Variants in TMEM207 observed in about 807,000 individuals in gnomAD.
TMEM207 encodes SRSR846.
Under a neutral mutation model 17.4 loss-of-function variants are expected in TMEM207, and 15 were observed. The ratio of observed to expected loss-of-function variants is 0.86; its 90% CI spans 0.58 to 1.33. The LOEUF (loss-of-function observed/expected upper bound fraction) is 1.33, where lower values mean the gene tolerates loss of function less well. Among genes scored for constraint, TMEM207 ranks in the 40% most tolerant of loss-of-function variants. The pLI is 0.00. For missense variants in TMEM207, 205 were observed against 173.8 expected, an observed-to-expected ratio of 1.18 and a Z score of -1.01; for synonymous variants, 70 against 65.6, an observed-to-expected ratio of 1.07 and a Z score of -0.33.
chr3:190,435,524 A>G (rs1172753502), intron 4 of TMEM207, among the ~76,000 whole-genome samples: 2 of 152,178 alleles, frequency 1.3e-5, no homozygotes, highest in Non-Finnish European at 2.9e-5. Flanking sequence ...AGGGGGCATC[A>G]GAGGGAATAT....
chr3:190,433,016 A>G (rs985599755), intron 4 of TMEM207, among the ~76,000 whole-genome samples: 4 of 152,202 alleles, frequency 2.6e-5, no homozygotes, highest in African/African-American at 9.7e-5. Flanking sequence ...CCCAGCTCCA[A>G]TCCACACACT....
chr3:190,440,292 T>C lies in TMEM207; in HGVS notation c.256A>G (p.Arg86Gly). ...WLRRPRIDSH[R>G]RTMAVFAVGD... The stretch of plus-strand genomic sequence containing the variant: ...ACAGCAAAAACTGCCATGGTGCGCC[T>C]GTGAGAATCAATTCGGGGTCTCCTC... Residue 86 changes from arginine (R) to glycine (G), a missense_variant, in exon 4 of 5, where the codon AGG becomes GGG. Transcript: ENST00000354905. 6.2e-7 allele frequency: 1 copy of C among 1,614,006 alleles called. No individual in the cohort carries two copies. Among genetic ancestry groups the C allele is most frequent in the South Asian group, 1.1e-5 (1 of 91,050 alleles).
intron 1 of TMEM207, 26 bp downstream of exon 1, chr3:190,449,709 C>G: frequency 6.2e-7 from 1 of 1,612,144 alleles, no homozygotes; most frequent in Non-Finnish European, 8.5e-7. Flanking sequence ...CTCTGAAAAC[C>G]TTAACCCAGA....
chr3:190,436,906 A>T (rs890672216), intron 4 of TMEM207, among the ~76,000 whole-genome samples: 2 of 152,334 alleles, frequency 1.3e-5, no homozygotes, highest in East Asian at 3.9e-4. Context: ...CACATCAAAG[A>T]CTGTATGAAT....
At chr3:190,447,641 C>T (rs1720078676) in intron 2 of TMEM207, 149 bp downstream of exon 2, 3 of 604,424 alleles carry the variant, frequency 5.0e-6, no homozygotes, top group Non-Finnish European at 8.1e-6. Flanking sequence ...AAAATGGAGC[C>T]ATCTGCATTT....
chr3:190,433,873 T>C (rs919126605), intron 4 of TMEM207, among the ~76,000 whole-genome samples: 3 of 152,118 alleles, frequency 2.0e-5, no homozygotes, highest in Admixed American at 2.0e-4. Flanking sequence ...GTTCTCATGA[T>C]AGTGAGTTCT....
At chr3:190,438,166 T>C (rs574711459) in intron 4 of TMEM207, among the ~76,000 whole-genome samples, 2,175 of 151,436 alleles carry the variant, frequency 0.014, 38 homozygotes, top group Non-Finnish European at 0.017. Flanking sequence ...TTAATGGGTG[T>C]AGCACACCAG....
intron 4 of TMEM207, among the ~76,000 whole-genome samples, chr3:190,435,728 T>A (rs1051471044): frequency 1.3e-5 from 2 of 152,160 alleles, no homozygotes; most frequent in Non-Finnish European, 2.9e-5. Flanking sequence ...AAAGACTGAA[T>A]CAGCAGAGTA....
At chr3:190,448,160 T>A (rs374381223) in intron 1 of TMEM207, among the ~76,000 whole-genome samples, 1 of 152,162 alleles carries the variant, frequency 6.6e-6, no homozygotes. Context: ...TTTTTTGTTT[T>A]CATGTTGTAG....
chr3:190,434,885 G>A (rs1370704723), intron 4 of TMEM207, among the ~76,000 whole-genome samples: 1 of 152,160 alleles, frequency 6.6e-6, no homozygotes, highest in Non-Finnish European at 1.5e-5. Flanking sequence ...TCTGGAGCTG[G>A]GACCAGGAAG....
intron 4 of TMEM207, among the ~76,000 whole-genome samples, chr3:190,433,196 T>G (rs895629109): frequency 3.9e-5 from 6 of 152,218 alleles, no homozygotes; most frequent in African/African-American, 1.4e-4. Context: ...TGTCCTTTTC[T>G]CACCTCCAAA....
intron 2 of TMEM207, among the ~76,000 whole-genome samples, chr3:190,443,340 T>G (rs144252287): frequency 1.2e-3 from 179 of 147,622 alleles, no homozygotes; most frequent in East Asian, 4.1e-3. Context: ...TAAATCTAAT[T>G]TTTAAGGCCC....
chr3:190,441,984 G>T lies in TMEM207; in HGVS notation c.114-502C>A, dbSNP rs546277421. Among the ~76,000 whole-genome samples, 4 of 152,318 alleles carry T rather than the reference G, an allele frequency of 2.6e-5. No individual in the cohort carries two copies. The South Asian group carries it at 8.3e-4, about 32-fold the overall frequency. The stretch of plus-strand genomic sequence containing the variant: ...TTGGTGAGGAAAGAAATTAGGCTAG[G>T]AGGAAAATGAATGAACGTGGCCATA... On this transcript the variant is annotated intron_variant, in intron 2 of 4. Coordinates refer to ENST00000354905, the MANE Select transcript of TMEM207 (RefSeq NM_207316.3).
intron 2 of TMEM207, among the ~76,000 whole-genome samples, chr3:190,442,940 C>T (rs113127786): frequency 1.6e-4 from 24 of 152,330 alleles, no homozygotes; most frequent in Middle Eastern, 3.4e-3. Flanking sequence ...CACCAGACTA[C>T]TGAAGTGCCC....
At chr3:190,431,653 T>C (rs534861311) in intron 4 of TMEM207, among the ~76,000 whole-genome samples, 2 of 152,250 alleles carry the variant, frequency 1.3e-5, no homozygotes, top group East Asian at 3.9e-4. Flanking sequence ...GGCTATTTTC[T>C]TGGTGAACTG....
chr3:190,435,471 T>A (rs1275907445), intron 4 of TMEM207, among the ~76,000 whole-genome samples: 3 of 152,188 alleles, frequency 2.0e-5, no homozygotes, highest in Non-Finnish European at 2.9e-5. Flanking sequence ...GGGGTTAGAA[T>A]TTGAACACAT....
intron 4 of TMEM207, among the ~76,000 whole-genome samples, chr3:190,438,305 T>C (rs1027002044): frequency 1.3e-5 from 2 of 151,832 alleles, no homozygotes; most frequent in Non-Finnish European, 2.9e-5. Flanking sequence ...TTTTCTTTTT[T>C]TTTTTGCCTG....
chr3:190,441,812 G>C (rs950914738), intron 2 of TMEM207, among the ~76,000 whole-genome samples: 1 of 152,176 alleles, frequency 6.6e-6, no homozygotes, highest in African/African-American at 2.4e-5. Flanking sequence ...ACAAATCGTA[G>C]GTGTTTGGTA....
chr3:190,438,993 C>G (rs1031485684), intron 4 of TMEM207, among the ~76,000 whole-genome samples: 1 of 151,124 alleles, frequency 6.6e-6, no homozygotes, highest in Admixed American at 6.6e-5. Context: ...ATCGAGACCA[C>G]GGTGAAACCC....
Sources: gnomAD v4.1 joint callset for allele counts (sites outside exome capture counted in the v4.1 genomes callset) on GRCh38, gnomAD v4.1.1 for gene constraint, MANE v1.5 for transcripts, NCBI Gene and HGNC (gene_info 2026-07-23, HGNC 2026-07-21) for gene names.